Variants in PPP6R3 observed in about 807,000 individuals in gnomAD.
The protein encoded by PPP6R3 is serine/threonine-protein phosphatase 6 regulatory subunit 3.
PPP6R3 carries 38 observed loss-of-function variants against 110.7 expected under a neutral mutation model. That is an observed-to-expected ratio of 0.34 (90% CI 0.26 to 0.45). The LOEUF is 0.45. PPP6R3 is among the 20% of genes least tolerant of loss of function. PPP6R3 has a pLI of 1.00. For missense variants in PPP6R3, 870 were observed against 1,062.4 expected (o/e 0.82, Z 2.52); for synonymous variants, 369 against 373.5 (o/e 0.99, Z 0.14).
intron 1 of PPP6R3, among the ~76,000 whole-genome samples, chr11:68,498,190 C>T (rs777732376): frequency 6.6e-6 from 1 of 152,160 alleles, no homozygotes; most frequent in Non-Finnish European, 1.5e-5. Flanking sequence ...AAAATTACCC[C>T]AGTTGCTATT....
chr11:68,579,652 G>A (rs2099545297), intron 14 of PPP6R3, among the ~76,000 whole-genome samples: 1 of 152,234 alleles, frequency 6.6e-6, no homozygotes, highest in Non-Finnish European at 1.5e-5. Flanking sequence ...AGACACGTGT[G>A]CACACACAAT....
chr11:68,539,842 G>A (rs2099301307), intron 3 of PPP6R3, among the ~76,000 whole-genome samples: 1 of 152,214 alleles, frequency 6.6e-6, no homozygotes, highest in African/African-American at 2.4e-5. Flanking sequence ...GGGGTGGGCA[G>A]AGGAGCTCAG....
chr11:68,600,330 C>A lies in PPP6R3; in HGVS notation c.2039-11C>A. 1 of 1,612,338 alleles carries A rather than the reference C, an allele frequency of 6.2e-7. No individual in the cohort carries two copies. The highest frequency in any genetic ancestry group is 8.5e-7 in the Non-Finnish European group (1 of 1,178,604). On this transcript the variant is annotated splice_polypyrimidine_tract_variant and intron_variant, in intron 19 of 23. Transcript: ENST00000393800. ...AGTGTTTTCCAAATAGAATTTCTCCCCTCTTTTTAGCACCCAACTGGTCAG... is the reference window on the plus strand; with the variant it reads ...AGTGTTTTCCAAATAGAATTTCTCCACTCTTTTTAGCACCCAACTGGTCAG...
rs5792446 is a variant in PPP6R3 at position 68,590,638 on chromosome 11, CTTTTA to C, written c.1731-17_1731-13del. On this transcript the variant is annotated splice_polypyrimidine_tract_variant and intron_variant, in intron 16 of 23. Coordinates refer to ENST00000393800, the MANE Select transcript of PPP6R3 (RefSeq NM_001164161.2). ...CTGATAGTAATTAATGCTTCCTACA[CTTTTA>C]TTTTGTTTTTTTACAGTGTTTCTTT... 383,851 of 1,562,570 alleles carry C rather than the reference CTTTTA, an allele frequency of 0.25. 48,602 individuals are homozygous for C. Among genetic ancestry groups the C allele is most frequent in the Middle Eastern group, 0.29 (1,475 of 5,016 alleles).
intron 1 of PPP6R3, among the ~76,000 whole-genome samples, chr11:68,504,685 C>T (rs2099066418): frequency 6.6e-6 from 1 of 152,168 alleles, no homozygotes; most frequent in Non-Finnish European, 1.5e-5. Context: ...AATGGGGATT[C>T]TACTATAGCT....
chr11:68,593,037 G>A (rs1002186753), intron 18 of PPP6R3, among the ~76,000 whole-genome samples: 1 of 152,146 alleles, frequency 6.6e-6, no homozygotes, highest in Non-Finnish European at 1.5e-5. Context: ...CTCTATTGAG[G>A]CATACTTGAC....
intron 3 of PPP6R3, among the ~76,000 whole-genome samples, chr11:68,544,297 T>C (rs534058787): frequency 1.3e-5 from 2 of 152,308 alleles, no homozygotes; most frequent in East Asian, 1.9e-4. Flanking sequence ...CCCTTCATTA[T>C]AGTAGGATGC....
In PPP6R3 at chr11:68,609,543, T is replaced by C. The variant is rs756124826; in HGVS notation, c.2451-361T>C. On this transcript the variant is annotated intron_variant, in intron 22 of 23. Transcript: ENST00000393800. ...TCGTGGACATATTATTCCCCCAAAT[T>C]CCTCATTTCTAGGAGTATTCTGAAA... is the stretch of plus-strand genomic sequence containing the variant. 1.7e-5 allele frequency: 26 copies of C among 1,509,660 alleles called. No homozygotes were observed. In the South Asian group the frequency reaches 2.9e-4, roughly 17 times the overall value. The allele number at this position is 1,509,660 out of a possible 1,614,324, so 93.5% of individuals were successfully genotyped here.
At chr11:68,480,064 T>G (rs1263724020) in intron 1 of PPP6R3, among the ~76,000 whole-genome samples, 2 of 152,216 alleles carry the variant, frequency 1.3e-5, no homozygotes, top group Non-Finnish European at 1.5e-5. Flanking sequence ...AAAAAAATTC[T>G]CAGCCATTTT....
At chr11:68,542,387 C>CTGTTTTTTTTTTTT (rs2099321498) in intron 3 of PPP6R3, among the ~76,000 whole-genome samples, 3 of 4,232 alleles carry the variant, frequency 7.1e-4, no homozygotes, top group South Asian at 8.6e-3. Context: ...TGAGAAGCTG[C>CTGTTTTTTTTTTTT]TGTTTTTTTT....
intron 19 of PPP6R3, 39 bp downstream of exon 19, chr11:68,596,257 G>A: frequency 6.2e-7 from 1 of 1,613,168 alleles, no homozygotes. Flanking sequence ...GCCCTGTGTT[G>A]GAATTAGGTA....
At chr11:68,508,455 G>T (rs2099090766) in intron 1 of PPP6R3, among the ~76,000 whole-genome samples, 1 of 152,030 alleles carries the variant, frequency 6.6e-6, no homozygotes, top group African/African-American at 2.4e-5. Flanking sequence ...AATAAATTTA[G>T]TGTCCATATA....
At chr11:68,541,641 A>T (rs935880834) in intron 3 of PPP6R3, among the ~76,000 whole-genome samples, 1 of 152,168 alleles carries the variant, frequency 6.6e-6, no homozygotes, top group Non-Finnish European at 1.5e-5. Context: ...GACAGAGGAC[A>T]TGTAAAGCCA....
In PPP6R3 at chr11:68,609,831, G is replaced by A; in HGVS notation, c.2451-73G>A. 4.4e-6 allele frequency: 7 copies of A among 1,603,826 alleles called. No individual in the cohort carries two copies. The South Asian group carries it at 7.8e-5, about 18-fold the overall frequency. ...GTCATGACTCCAGAGCCATCTGCAT[G>A]TGACCTCATCCTCTGGTGCCTAGGT... On this transcript the variant is annotated intron_variant, in intron 22 of 23. Transcript: ENST00000393800.
At position 68,478,647 on chromosome 11, in the gene PPP6R3, G is replaced by GTTTTTTGT. The variant is rs2098860892; in HGVS notation, c.-158+17826_-158+17827insGTTTTTTT. On this transcript the variant is annotated intron_variant, in intron 1 of 23. Coordinates refer to ENST00000393800, the MANE Select transcript of PPP6R3 (RefSeq NM_001164161.2). Reference sequence around the variant, plus strand: ...ACTGATGAGTTAGTGCACTTGGTAAGTTTTTTTTTTTTTTTTTTTTTTTTT... The same window carrying GTTTTTTGT: ...ACTGATGAGTTAGTGCACTTGGTAAGTTTTTTGTTTTTTTTTTTTTTTTTTTTTTTTTT... Among the ~76,000 whole-genome samples, 3 of 50,506 alleles carry GTTTTTTGT rather than the reference G, an allele frequency of 5.9e-5. 1 individual carries two copies. The South Asian group carries it at 3.0e-3, about 51-fold the overall frequency. 33.1% of individuals were successfully genotyped at this position (50,506 alleles called of 152,430 possible). A position where few individuals can be genotyped will look rare whatever the true frequency, so the allele number is the denominator to read the frequency against.
chr11:68,567,228 CA>C, intron 10 of PPP6R3, 62 bp downstream of exon 10: 1 of 1,422,096 alleles, frequency 7.0e-7, no homozygotes, highest in Non-Finnish European at 9.4e-7. Flanking sequence ...GATATTTAAC[CA>C]AGTTACAACC....
chr11:68,606,499 A>G (rs900801161), intron 22 of PPP6R3, among the ~76,000 whole-genome samples: 2 of 118,402 alleles, frequency 1.7e-5, no homozygotes, highest in Admixed American at 1.8e-4. Context: ...TTTTTTTTGT[A>G]GTGATGGGGT....
chr11:68,591,831 A>G, intron 18 of PPP6R3, 125 bp downstream of exon 18: 1 of 1,162,726 alleles, frequency 8.6e-7, no homozygotes, highest in Non-Finnish European at 1.2e-6. Context: ...TTTTTTTGTC[A>G]TGGCCAGAAA....
Position 68,558,594 on chromosome 11 carries a change from A to T in PPP6R3, c.760A>T (p.Asn254Tyr). 6.2e-7 allele frequency: 1 copy of T among 1,613,280 alleles called. No homozygotes were observed. The highest frequency in any genetic ancestry group is 1.1e-5 in the South Asian group (1 of 90,938). Residue 254 changes from asparagine to tyrosine, a missense_variant, in exon 8 of 24, where the codon AAT (asparagine) becomes TAT (tyrosine). Transcript: ENST00000393800. ...KQEIIEQLLS[N>Y]IFHKEKNESA... ...AGAAATTATAGAGCAGCTTCTATCAAATATTTTCCACAAGGAGAAAAATGA... is the reference window on the plus strand; with the variant it reads ...AGAAATTATAGAGCAGCTTCTATCATATATTTTCCACAAGGAGAAAAATGA...
Sources: allele counts gnomAD v4.1 joint callset (sites outside exome capture counted in the v4.1 genomes callset), GRCh38; gene constraint gnomAD v4.1.1; transcripts MANE v1.5; gene names NCBI Gene and HGNC (gene_info 2026-07-23, HGNC 2026-07-21).